Variants in SPOCK3 observed in about 807,000 individuals in gnomAD.
The protein encoded by SPOCK3 is testican-3.
A neutral mutation model predicts 56.6 loss-of-function variants in SPOCK3; 30 were observed. The observed-to-expected ratio is 0.53, with a 90% CI of 0.40 to 0.72. SPOCK3 has a LOEUF of 0.72. Among genes scored for constraint, SPOCK3 ranks in the 30% least tolerant of loss-of-function variants. The pLI, the probability that SPOCK3 is intolerant of heterozygous loss-of-function variation, is 0.00. For synonymous variants in SPOCK3, 196 were observed against 183.3 expected (o/e 1.07, Z -0.56); for missense variants, 527 against 530.0 (o/e 0.99, Z 0.06).
chr4:167,115,313 T>C (rs1044470048), intron 2 of SPOCK3, among the ~76,000 whole-genome samples: 1 of 139,128 alleles, frequency 7.2e-6, no homozygotes, highest in African/African-American at 2.6e-5. Context: ...TCTGGCCTTG[T>C]ACAGAAAAAA....
At chr4:166,908,727 T>G (rs2127084171) in intron 5 of SPOCK3, among the ~76,000 whole-genome samples, 1 of 152,172 alleles carries the variant, frequency 6.6e-6, no homozygotes, top group African/African-American at 2.4e-5. Flanking sequence ...TTAATATTAT[T>G]TATTGACTTG....
chr4:167,168,410 C>G (rs954674795), intron 2 of SPOCK3, among the ~76,000 whole-genome samples: 1 of 152,120 alleles, frequency 6.6e-6, no homozygotes, highest in Non-Finnish European at 1.5e-5. Flanking sequence ...TAGAGACTTG[C>G]TGAATGGCTT....
intron 2 of SPOCK3, among the ~76,000 whole-genome samples, chr4:167,230,362 A>G (rs982724510): frequency 3.4e-4 from 52 of 151,906 alleles, no homozygotes; most frequent in African/African-American, 1.2e-3. Context: ...CTGATTTCCA[A>G]TTCTCCTAAT....
chr4:166,943,739 T>G (rs910975313), intron 4 of SPOCK3, among the ~76,000 whole-genome samples: 1 of 152,312 alleles, frequency 6.6e-6, no homozygotes, highest in Admixed American at 6.5e-5. Context: ...ACTAAAGTGG[T>G]CGTATGCTTT....
At chr4:167,033,955 C>A (rs1054775870) in intron 3 of SPOCK3, among the ~76,000 whole-genome samples, 2 of 151,980 alleles carry the variant, frequency 1.3e-5, no homozygotes, top group Non-Finnish European at 2.9e-5. Context: ...AGCAAATTAG[C>A]AAATGTATTA....
intron 7 of SPOCK3, among the ~76,000 whole-genome samples, chr4:166,789,194 C>T (rs1369809589): frequency 6.6e-6 from 1 of 152,042 alleles, no homozygotes; most frequent in Non-Finnish European, 1.5e-5. Flanking sequence ...CTTTGGGAAG[C>T]CAAGGCGGGC....
chr4:167,007,408 T>G (rs900823918), intron 3 of SPOCK3, among the ~76,000 whole-genome samples: 1 of 152,216 alleles, frequency 6.6e-6, no homozygotes, highest in Non-Finnish European at 1.5e-5. Flanking sequence ...TATACTATAT[T>G]TATTTTATCA....
chr4:166,970,842 G>T (rs1001925790), intron 4 of SPOCK3, among the ~76,000 whole-genome samples: 1 of 151,950 alleles, frequency 6.6e-6, no homozygotes, highest in Admixed American at 6.6e-5. Flanking sequence ...AAGGCCATTT[G>T]GTATATTGCC....
chr4:166,997,952 T>G (rs2150123620), intron 4 of SPOCK3, among the ~76,000 whole-genome samples: 1 of 152,246 alleles, frequency 6.6e-6, no homozygotes, highest in Non-Finnish European at 1.5e-5. Context: ...AAGCCGTCTT[T>G]CCCTGCTTTC....
chr4:166,824,915 A>G (rs554073294), intron 6 of SPOCK3, among the ~76,000 whole-genome samples: 2 of 152,208 alleles, frequency 1.3e-5, no homozygotes, highest in South Asian at 4.1e-4. Context: ...TGGGGAAAAA[A>G]GCAATTTAAA....
Position 166,768,765 on chromosome 4 carries a change from A to G in SPOCK3, c.710-14036T>C, listed in dbSNP as rs142997847. Among the ~76,000 whole-genome samples, 39 of 152,314 alleles carry G rather than the reference A, an allele frequency of 2.6e-4. No homozygotes were observed. In the East Asian group the frequency reaches 6.4e-3, roughly 25 times the overall value. On this transcript the variant is annotated intron_variant, in intron 7 of 10. Transcript: ENST00000357545. ...CTAGGTTGGGGAAATTCTCCTGCAT[A>G]ATATCCTGCAGAGTGTTTTCCAACT...
chr4:166,908,526 G>GCA (rs377518404), intron 5 of SPOCK3, among the ~76,000 whole-genome samples: 26,158 of 135,896 alleles, frequency 0.19, 2,749 homozygotes, highest in East Asian at 0.6. Context: ...TCAAAACCAT[G>GCA]CACACACACA....
chr4:166,976,599 G>A (rs540142588), intron 4 of SPOCK3, among the ~76,000 whole-genome samples: 12 of 152,042 alleles, frequency 7.9e-5, no homozygotes, highest in South Asian at 2.1e-4. Flanking sequence ...CAGCCATCCC[G>A]GCTACCCTAA....
chr4:167,049,166 A>G (rs1377808852), intron 3 of SPOCK3, among the ~76,000 whole-genome samples: 2 of 150,882 alleles, frequency 1.3e-5, no homozygotes, highest in Non-Finnish European at 2.9e-5. Context: ...GTGCAATGGC[A>G]TGATTTCAGC....
At chr4:166,735,796 T>C (rs1275493528) in intron 10 of SPOCK3, among the ~76,000 whole-genome samples, 1 of 152,034 alleles carries the variant, frequency 6.6e-6, no homozygotes, top group Non-Finnish European at 1.5e-5. Flanking sequence ...TGCTGACATC[T>C]GGATGTTGAG....
chr4:166,818,051 T>G (rs1054720731), intron 6 of SPOCK3, among the ~76,000 whole-genome samples: 3 of 152,112 alleles, frequency 2.0e-5, no homozygotes, highest in Non-Finnish European at 2.9e-5. Context: ...TGTCCAAGAT[T>G]ACACACTTAT....
chr4:166,910,943 A>C (rs1353086293), intron 5 of SPOCK3, among the ~76,000 whole-genome samples: 2 of 152,312 alleles, frequency 1.3e-5, no homozygotes, highest in African/African-American at 4.8e-5. Context: ...TGAATATTAC[A>C]ATCTGCATCC....
intron 2 of SPOCK3, among the ~76,000 whole-genome samples, chr4:167,130,328 T>C (rs986129424): frequency 6.6e-6 from 1 of 152,116 alleles, no homozygotes; most frequent in African/African-American, 2.4e-5. Context: ...TAAATATATT[T>C]AAATTAGACA....
At chr4:167,043,495 A>T (rs1191843951) in intron 3 of SPOCK3, among the ~76,000 whole-genome samples, 2 of 152,066 alleles carry the variant, frequency 1.3e-5, no homozygotes, top group Non-Finnish European at 2.9e-5. Flanking sequence ...TAAAGTTGAA[A>T]AGCAGTGGTG....
Sources: allele counts gnomAD v4.1 joint callset (sites outside exome capture counted in the v4.1 genomes callset), GRCh38; gene constraint gnomAD v4.1.1; transcripts MANE v1.5; gene names NCBI Gene and HGNC (gene_info 2026-07-23, HGNC 2026-07-21).